The following CSMD1 variants were observed in gnomAD, a reference collection of about 807,000 sequenced individuals.
CSMD1 encodes CUB and sushi domain-containing protein 1.
Under a neutral mutation model 417.5 loss-of-function variants are expected in CSMD1, and 213 were observed. That is an observed-to-expected ratio of 0.51 (90% CI 0.46 to 0.57). The LOEUF is 0.57. Ranked by LOEUF, CSMD1 falls within the 20% of genes least tolerant of loss-of-function variation. The pLI, the probability that CSMD1 is intolerant of heterozygous loss-of-function variation, is 0.00. For missense variants in CSMD1, 6,923 were observed against 4,529.7 expected (o/e 1.53, Z -15.17); for synonymous variants, 2,862 against 1,736.8 (o/e 1.65, Z -16.11).
intron 2 of CSMD1, among the ~76,000 whole-genome samples, chr8:4,576,693 G>C (rs1489731824): frequency 6.6e-6 from 1 of 152,036 alleles, no homozygotes; most frequent in East Asian, 1.9e-4. Context: ...GTCATAAGTA[G>C]CTAGAAGTCT....
At chr8:3,541,324 A>T (rs1299207463) in intron 10 of CSMD1, among the ~76,000 whole-genome samples, 1 of 152,172 alleles carries the variant, frequency 6.6e-6, no homozygotes, top group Non-Finnish European at 1.5e-5. Context: ...GGAGCTGAAC[A>T]ATGAGAACAC....
chr8:4,446,632 C>A (rs1338901339), intron 2 of CSMD1, among the ~76,000 whole-genome samples: 2 of 152,154 alleles, frequency 1.3e-5, no homozygotes, highest in Non-Finnish European at 1.5e-5. Context: ...CAGCTCACTG[C>A]AAACTCTGCC....
chr8:4,677,420 C>T (rs867572406), intron 1 of CSMD1, among the ~76,000 whole-genome samples: 6 of 152,048 alleles, frequency 3.9e-5, no homozygotes, highest in South Asian at 2.1e-4. Flanking sequence ...GATTCTCTCT[C>T]TCTCTCTCGT....
intron 1 of CSMD1, among the ~76,000 whole-genome samples, chr8:4,886,995 T>C (rs912675418): frequency 2.6e-5 from 4 of 152,076 alleles, no homozygotes; most frequent in Non-Finnish European, 4.4e-5. Context: ...TCAACTCTTA[T>C]ATATTTCCTT....
intron 2 of CSMD1, among the ~76,000 whole-genome samples, chr8:4,496,341 T>C (rs907112426): frequency 3.9e-5 from 6 of 152,180 alleles, no homozygotes; most frequent in African/African-American, 7.2e-5. Flanking sequence ...CTGCTCAGAC[T>C]GCCTCCAGTG....
intron 1 of CSMD1, among the ~76,000 whole-genome samples, chr8:4,951,824 G>A (rs12676776): frequency 0.056 from 8,182 of 145,658 alleles, 534 homozygotes; most frequent in African/African-American, 0.15. Context: ...TGCACAAGCT[G>A]CTTATAAAGA....
intron 1 of CSMD1, among the ~76,000 whole-genome samples, chr8:4,900,561 T>A (rs561105285): frequency 6.6e-6 from 1 of 152,144 alleles, no homozygotes; most frequent in Non-Finnish European, 1.5e-5. Context: ...TGCATGCTTC[T>A]CCCAGTGCCA....
intron 9 of CSMD1, among the ~76,000 whole-genome samples, chr8:3,582,914 C>G (rs915930945): frequency 1.3e-5 from 2 of 152,186 alleles, no homozygotes; most frequent in Non-Finnish European, 2.9e-5. Context: ...CCAGCACTAA[C>G]TTAGGTGCTC....
chr8:3,638,973 G>C lies in CSMD1; in HGVS notation c.1010-22176C>G, dbSNP rs149670610. ...GGAATTCAGAAATTATTTCAAATAA[G>C]AGAAAGGCAGTGTTGCATTCTTAAC... On this transcript the variant is annotated intron_variant, in intron 7 of 69. Transcript: ENST00000635120. Among the ~76,000 whole-genome samples, 295 of 152,322 alleles carry C rather than the reference G, an allele frequency of 1.9e-3. 2 individuals are homozygous for C. The highest frequency in any genetic ancestry group is 6.9e-3 in the African/African-American group (286 of 41,566).
intron 31 of CSMD1, among the ~76,000 whole-genome samples, chr8:3,204,398 TA>T (rs60509525): frequency 0.56 from 82,684 of 148,168 alleles, 22,736 homozygotes; most frequent in Non-Finnish European, 0.58. Context: ...AGCATTTAGG[TA>T]AAAAAAAAAA....
intron 2 of CSMD1, among the ~76,000 whole-genome samples, chr8:4,458,057 A>C (rs1319608761): frequency 2.0e-5 from 3 of 152,160 alleles, no homozygotes; most frequent in Non-Finnish European, 4.4e-5. Context: ...TTTACCCCTG[A>C]GGTACACAAT....
At chr8:3,738,914 GT>G (rs1188681456) in intron 6 of CSMD1, among the ~76,000 whole-genome samples, 1 of 152,100 alleles carries the variant, frequency 6.6e-6, no homozygotes, top group Non-Finnish European at 1.5e-5. Flanking sequence ...GGCCTCCATG[GT>G]CTTCCCTCTG....
intron 46 of CSMD1, among the ~76,000 whole-genome samples, chr8:3,102,861 T>C (rs1815859463): frequency 2.6e-5 from 4 of 152,184 alleles, no homozygotes. Context: ...CCTTGAAGCA[T>C]GACAAGATAA....
intron 1 of CSMD1, among the ~76,000 whole-genome samples, chr8:4,782,211 G>A (rs1389833752): frequency 6.6e-6 from 1 of 152,122 alleles, no homozygotes; most frequent in Non-Finnish European, 1.5e-5. Context: ...GAGTGACTCT[G>A]CTTAATAATG....
At chr8:4,869,024 A>G (rs1802581367) in intron 1 of CSMD1, among the ~76,000 whole-genome samples, 1 of 151,932 alleles carries the variant, frequency 6.6e-6, no homozygotes, top group Admixed American at 6.6e-5. Flanking sequence ...ATATTTTGTT[A>G]TATATTACTA....
At chr8:3,254,279 C>A (rs569369003) in intron 26 of CSMD1, among the ~76,000 whole-genome samples, 11 of 152,252 alleles carry the variant, frequency 7.2e-5, no homozygotes, top group Non-Finnish European at 1.6e-4. Context: ...TGTGGGTAAC[C>A]CGACCTTTCT....
intron 1 of CSMD1, among the ~76,000 whole-genome samples, chr8:4,678,406 G>A (rs375812773): frequency 2.6e-5 from 4 of 151,536 alleles, no homozygotes; most frequent in African/African-American, 7.3e-5. Flanking sequence ...GCAAGACTCT[G>A]TCTCAACAAC....
intron 4 of CSMD1, among the ~76,000 whole-genome samples, chr8:4,014,058 G>A (rs1796404059): frequency 6.6e-6 from 1 of 152,082 alleles, no homozygotes; most frequent in African/African-American, 2.4e-5. Flanking sequence ...GGAAATCAAA[G>A]GCAATAAAAA....
chr8:3,078,973 G>A (rs1386448724), intron 49 of CSMD1, among the ~76,000 whole-genome samples: 3 of 152,068 alleles, frequency 2.0e-5, no homozygotes, highest in Non-Finnish European at 4.4e-5. Flanking sequence ...CAAAACGGGG[G>A]GGAGCACCTT....
Sources: allele counts gnomAD v4.1 joint callset (sites outside exome capture counted in the v4.1 genomes callset), GRCh38; gene constraint gnomAD v4.1.1; transcripts MANE v1.5; gene names NCBI Gene and HGNC (gene_info 2026-07-23, HGNC 2026-07-21).